Variants in CSMD1 observed in about 807,000 individuals in gnomAD.
CSMD1 encodes CUB and Sushi multiple domains 1, also known as CUB and sushi domain-containing protein 1.
Under a neutral mutation model 417.5 loss-of-function variants are expected in CSMD1, and 213 were observed. That is an observed-to-expected ratio of 0.51 (90% confidence interval 0.46 to 0.57). CSMD1 has a LOEUF of 0.57. Ranked by LOEUF, CSMD1 falls within the 20% of genes least tolerant of loss-of-function variation. CSMD1 has a pLI of 0.00. For missense variants in CSMD1, 6,923 were observed against 4,529.7 expected, an observed-to-expected ratio of 1.53 and a Z score of -15.17; for synonymous variants, 2,862 against 1,736.8, an observed-to-expected ratio of 1.65 and a Z score of -16.11.
At chr8:3,968,049 TGGTGGCGGGC>T (rs1310295783) in intron 5 of CSMD1, among the ~76,000 whole-genome samples, 3 of 118,142 alleles carry the variant, frequency 2.5e-5, no homozygotes, top group Non-Finnish European at 5.2e-5. Flanking sequence ...TAGCCGGGAG[TGGTGGCGGGC>T]GCCTGTAGTC....
chr8:4,112,116 A>G (rs1801888014), intron 3 of CSMD1, among the ~76,000 whole-genome samples: 3 of 152,172 alleles, frequency 2.0e-5, no homozygotes, highest in Non-Finnish European at 4.4e-5. Flanking sequence ...TTAGCCCACA[A>G]GATCAGGGGC....
intron 1 of CSMD1, among the ~76,000 whole-genome samples, chr8:4,761,894 C>CCTACCTAT (rs1812119338): frequency 1.2e-5 from 1 of 83,746 alleles, no homozygotes; most frequent in African/African-American, 4.5e-5. Flanking sequence ...TATCTACCTA[C>CCTACCTAT]CTATCTATCT....
At chr8:4,369,812 G>A (rs567733014) in intron 3 of CSMD1, among the ~76,000 whole-genome samples, 372 of 152,088 alleles carry the variant, frequency 2.4e-3, no homozygotes, top group Non-Finnish European at 4.8e-3. Context: ...CCTTTACTTC[G>A]AGACTATGGG....
intron 3 of CSMD1, among the ~76,000 whole-genome samples, chr8:4,326,605 A>C (rs557079681): frequency 1.3e-5 from 2 of 152,206 alleles, no homozygotes; most frequent in Non-Finnish European, 1.5e-5. Flanking sequence ...CCTACGGAGA[A>C]AACAGTAAGA....
chr8:3,632,353 C>A (rs934704209), intron 7 of CSMD1, among the ~76,000 whole-genome samples: 7 of 152,132 alleles, frequency 4.6e-5, no homozygotes, highest in South Asian at 2.1e-4. Flanking sequence ...GACACCCCCC[C>A]ATCCCCACTT....
intron 49 of CSMD1, among the ~76,000 whole-genome samples, chr8:3,066,130 G>C (rs942962129): frequency 1.3e-5 from 2 of 152,138 alleles, no homozygotes; most frequent in African/African-American, 4.8e-5. Context: ...GGCCTATTGA[G>C]GTCTGTCCCT....
chr8:2,994,355 T>C (rs917972398), intron 54 of CSMD1, among the ~76,000 whole-genome samples: 5 of 152,098 alleles, frequency 3.3e-5, no homozygotes, highest in Non-Finnish European at 7.4e-5. Context: ...TAACATTGCC[T>C]TGCAGTGGGT....
chr8:3,637,497 T>A (rs1357759748), intron 7 of CSMD1, among the ~76,000 whole-genome samples: 1 of 152,196 alleles, frequency 6.6e-6, no homozygotes, highest in Admixed American at 6.5e-5. Flanking sequence ...CTTCTTTGAC[T>A]ATAATAAAAT....
At chr8:3,852,821 C>G (rs940648492) in intron 5 of CSMD1, among the ~76,000 whole-genome samples, 1 of 152,114 alleles carries the variant, frequency 6.6e-6, no homozygotes, top group Non-Finnish European at 1.5e-5. Flanking sequence ...AACAATTCTC[C>G]GCTTTCTGTA....
At chr8:3,787,350 T>A (rs959775155) in intron 5 of CSMD1, among the ~76,000 whole-genome samples, 9 of 152,318 alleles carry the variant, frequency 5.9e-5, no homozygotes, top group African/African-American at 1.2e-4. Flanking sequence ...TCAATGTTGA[T>A]GCCATTTTGC....
chr8:3,966,707 C>A (rs996887623), intron 5 of CSMD1, among the ~76,000 whole-genome samples: 2 of 150,572 alleles, frequency 1.3e-5, no homozygotes, highest in Non-Finnish European at 2.9e-5. Context: ...CCATGCCTGG[C>A]AGGCTGCAGG....
chr8:3,446,237 A>G (rs1254520041), intron 12 of CSMD1, among the ~76,000 whole-genome samples: 2 of 152,254 alleles, frequency 1.3e-5, no homozygotes, highest in African/African-American at 4.8e-5. Context: ...AGTCCTTGGA[A>G]GAGGGACAGA....
intron 3 of CSMD1, among the ~76,000 whole-genome samples, chr8:4,200,997 C>T (rs989366831): frequency 2.6e-5 from 4 of 152,074 alleles, no homozygotes; most frequent in East Asian, 1.9e-4. Context: ...TCCACAGCGC[C>T]GTTCATATCA....
intron 3 of CSMD1, among the ~76,000 whole-genome samples, chr8:4,050,727 A>G (rs1049312587): frequency 2.6e-5 from 4 of 152,150 alleles, no homozygotes; most frequent in Non-Finnish European, 4.4e-5. Context: ...TTAGTGAGTA[A>G]ATGAATTAAG....
chr8:3,437,459 C>G (rs186017711), intron 12 of CSMD1, among the ~76,000 whole-genome samples: 153 of 152,272 alleles, frequency 1.0e-3, no homozygotes, highest in Non-Finnish European at 1.7e-3. Flanking sequence ...ACAGAATTCA[C>G]ATTTATTCTA....
At chr8:3,056,693 T>A (rs980054670) in intron 49 of CSMD1, among the ~76,000 whole-genome samples, 1 of 152,158 alleles carries the variant, frequency 6.6e-6, no homozygotes, top group African/African-American at 2.4e-5. Context: ...CTGAGGATTT[T>A]TAAGTATTTC....
At chr8:3,420,055 T>C (rs1274043588) in intron 12 of CSMD1, among the ~76,000 whole-genome samples, 3 of 152,186 alleles carry the variant, frequency 2.0e-5, no homozygotes, top group African/African-American at 7.2e-5. Flanking sequence ...CCAGGGTATA[T>C]TAAGTTCTAT....
At chr8:4,916,083 A>G (rs531648588) in intron 1 of CSMD1, among the ~76,000 whole-genome samples, 10 of 152,220 alleles carry the variant, frequency 6.6e-5, no homozygotes, top group Non-Finnish European at 1.3e-4. Context: ...GATTACGTTC[A>G]TATGCCAGAA....
At chr8:4,157,063 C>A (rs1228147870) in intron 3 of CSMD1, among the ~76,000 whole-genome samples, 3 of 152,156 alleles carry the variant, frequency 2.0e-5, no homozygotes, top group Non-Finnish European at 4.4e-5. Flanking sequence ...TAGACCAGAA[C>A]AGGGATGGAC....
Sources: allele counts gnomAD v4.1 joint callset (sites outside exome capture counted in the v4.1 genomes callset), GRCh38; gene constraint gnomAD v4.1.1; transcripts MANE v1.5; gene names NCBI Gene and HGNC (gene_info 2026-07-23, HGNC 2026-07-21).